NEGR1: variants seen among roughly 807,000 people sequenced by gnomAD.
The protein encoded by NEGR1 is IgLON family member 4.
Under a neutral mutation model 40.9 loss-of-function variants are expected in NEGR1, and 10 were observed. That is an observed-to-expected ratio of 0.24 (90% CI 0.15 to 0.42). The LOEUF (loss-of-function observed/expected upper bound fraction) is 0.42. NEGR1 is among the 10% of genes least tolerant of loss of function. The pLI is 1.00. For missense variants in NEGR1, 352 were observed against 438.9 expected (o/e 0.80, Z 1.77); for synonymous variants, 185 against 166.8 (o/e 1.11, Z -0.84).
At chr1:71,714,871 C>A (rs964086903) in intron 3 of NEGR1, among the ~76,000 whole-genome samples, 4 of 152,186 alleles carry the variant, frequency 2.6e-5, no homozygotes, top group African/African-American at 9.7e-5. Context: ...ATCTACCATT[C>A]TGGGGTCTGG....
At chr1:71,696,569 G>A (rs1653481067) in intron 4 of NEGR1, among the ~76,000 whole-genome samples, 1 of 151,652 alleles carries the variant, frequency 6.6e-6, no homozygotes, top group East Asian at 1.9e-4. Flanking sequence ...CACTTCCCAA[G>A]CCCTCAACCC....
intron 2 of NEGR1, among the ~76,000 whole-genome samples, chr1:71,819,635 A>G (rs770414510): frequency 6.6e-6 from 1 of 152,044 alleles, no homozygotes; most frequent in Non-Finnish European, 1.5e-5. Flanking sequence ...CTTGGGAAGT[A>G]TAATGCTTTA....
chr1:71,588,075 T>C (rs1649366160), intron 6 of NEGR1, among the ~76,000 whole-genome samples: 1 of 152,142 alleles, frequency 6.6e-6, no homozygotes, highest in Admixed American at 6.6e-5. Context: ...ATGTTTTACT[T>C]ATAGAAATAA....
intron 4 of NEGR1, among the ~76,000 whole-genome samples, chr1:71,647,819 T>C (rs187483673): frequency 6.6e-6 from 1 of 152,130 alleles, no homozygotes; most frequent in East Asian, 1.9e-4. Flanking sequence ...AGCCACTTCA[T>C]ACCTACAAAC....
chr1:71,650,174 T>C (rs898857556), intron 4 of NEGR1, among the ~76,000 whole-genome samples: 2 of 151,982 alleles, frequency 1.3e-5, no homozygotes, highest in Admixed American at 1.3e-4. Flanking sequence ...CCACTTATAC[T>C]CTTAGAGGTG....
At chr1:72,168,284 A>G (rs1226806867) in intron 1 of NEGR1, among the ~76,000 whole-genome samples, 1 of 152,070 alleles carries the variant, frequency 6.6e-6, no homozygotes, top group African/African-American at 2.4e-5. Context: ...GATTATAGGC[A>G]TGAACCACAA....
intron 4 of NEGR1, among the ~76,000 whole-genome samples, chr1:71,669,217 T>C (rs1462416697): frequency 1.3e-5 from 2 of 152,144 alleles, no homozygotes; most frequent in East Asian, 3.9e-4. Flanking sequence ...TTGGTTCATG[T>C]TTCATGATCT....
intron 1 of NEGR1, among the ~76,000 whole-genome samples, chr1:72,159,583 A>G (rs1651481231): frequency 6.6e-6 from 1 of 152,180 alleles, no homozygotes; most frequent in Admixed American, 6.6e-5. Flanking sequence ...ATTCTACACA[A>G]ATTAAAATAT....
chr1:72,092,826 A>AT (rs780744365), intron 1 of NEGR1, among the ~76,000 whole-genome samples: 2 of 151,694 alleles, frequency 1.3e-5, no homozygotes, highest in Non-Finnish European at 1.5e-5. Context: ...AAGTTTTTGT[A>AT]TTTTTTGTAG....
chr1:72,006,747 C>G (rs958565893), intron 1 of NEGR1, among the ~76,000 whole-genome samples: 1 of 151,834 alleles, frequency 6.6e-6, no homozygotes, highest in Non-Finnish European at 1.5e-5. Context: ...ATTCTCATGA[C>G]TTACTGCAGG....
intron 3 of NEGR1, among the ~76,000 whole-genome samples, chr1:71,725,033 T>A (rs6689643): frequency 6.6e-6 from 1 of 151,930 alleles, no homozygotes; most frequent in Non-Finnish European, 1.5e-5. Context: ...ATCATCAACC[T>A]TCATTGCCTA....
intron 2 of NEGR1, among the ~76,000 whole-genome samples, chr1:71,871,209 A>C (rs1012013084): frequency 6.6e-6 from 1 of 152,204 alleles, no homozygotes; most frequent in African/African-American, 2.4e-5. Flanking sequence ...ATGTAGGCTT[A>C]CTAATGCAGG....
intron 6 of NEGR1, among the ~76,000 whole-genome samples, chr1:71,550,295 C>G (rs1648033756): frequency 6.6e-6 from 1 of 151,556 alleles, no homozygotes; most frequent in Non-Finnish European, 1.5e-5. Context: ...TTATGTTGAT[C>G]TATAAATGGC....
chr1:71,674,586 G>GCACACACACA (rs3220087), intron 4 of NEGR1, among the ~76,000 whole-genome samples: 40 of 146,906 alleles, frequency 2.7e-4, no homozygotes, highest in East Asian at 8.2e-4. Context: ...TGCTGGGAGG[G>GCACACACACA]CACACACACA....
At chr1:72,026,923 T>C (rs1646815550) in intron 1 of NEGR1, among the ~76,000 whole-genome samples, 1 of 152,034 alleles carries the variant, frequency 6.6e-6, no homozygotes, top group Non-Finnish European at 1.5e-5. Context: ...TTTTGTTTTG[T>C]TTTGTTTTTT....
intron 6 of NEGR1, among the ~76,000 whole-genome samples, chr1:71,535,974 A>C (rs1239963969): frequency 6.6e-6 from 1 of 151,706 alleles, no homozygotes; most frequent in East Asian, 2.0e-4. Flanking sequence ...TAAACAACCA[A>C]GTGAGAGTGA....
intron 2 of NEGR1, among the ~76,000 whole-genome samples, chr1:71,924,182 A>AT (rs373011655): frequency 1.3e-5 from 2 of 152,046 alleles, no homozygotes; most frequent in African/African-American, 4.8e-5. Context: ...ATCAGATTAC[A>AT]TTTTTCCTTG....
At chr1:71,709,592 C>G (rs1209584808) in intron 3 of NEGR1, among the ~76,000 whole-genome samples, 1 of 152,064 alleles carries the variant, frequency 6.6e-6, no homozygotes, top group Non-Finnish European at 1.5e-5. Context: ...TCATTTTTGA[C>G]AAAGCTGCCA....
At chr1:71,908,941 T>G (rs992448421) in intron 2 of NEGR1, among the ~76,000 whole-genome samples, 1 of 152,204 alleles carries the variant, frequency 6.6e-6, no homozygotes, top group Non-Finnish European at 1.5e-5. Flanking sequence ...CCCTTATTTC[T>G]TAAATACACA....
Sources: allele counts gnomAD v4.1 joint callset (sites outside exome capture counted in the v4.1 genomes callset), GRCh38; gene constraint gnomAD v4.1.1; transcripts MANE v1.5; gene names NCBI Gene and HGNC (gene_info 2026-07-23, HGNC 2026-07-21).